Variants in CNGA3 observed in about 807,000 individuals in gnomAD.
CNGA3 encodes the protein cyclic nucleotide-gated channel alpha-3.
A neutral mutation model predicts 46.6 loss-of-function variants in CNGA3; 42 were observed. That is an observed-to-expected ratio of 0.90 (90% CI 0.70 to 1.17). The LOEUF is 1.17. CNGA3 is among the 50% of genes most tolerant of loss of function. The pLI, the probability that CNGA3 is intolerant of heterozygous loss-of-function variation, is 0.00. For missense variants in CNGA3, 893 were observed against 890.7 expected, an observed-to-expected ratio of 1.00 and a Z score of -0.03; for synonymous variants, 394 against 369.4, an observed-to-expected ratio of 1.07 and a Z score of -0.76.
chr2:98,392,347 G>A (rs1357916330), intron 7 of CNGA3, among the ~76,000 whole-genome samples: 4 of 152,156 alleles, frequency 2.6e-5, no homozygotes, highest in Non-Finnish European at 5.9e-5. Flanking sequence ...ATTACTGGAG[G>A]TCAGGAGTTC....
intron 1 of CNGA3, among the ~76,000 whole-genome samples, chr2:98,361,004 TTATTTTATTTTATTTTATTTA>T (rs1692019339): frequency 1.8e-5 from 2 of 113,212 alleles, no homozygotes; most frequent in Non-Finnish European, 4.4e-5. Flanking sequence ...TATTTTTATT[TTATTTTATTTTATTTTATTTA>T]TTTTATTTTA....
At chr2:98,364,374 T>A (rs1486376380) in intron 1 of CNGA3, among the ~76,000 whole-genome samples, 1 of 148,610 alleles carries the variant, frequency 6.7e-6, no homozygotes, top group Non-Finnish European at 1.5e-5. Context: ...CAAGACTCCA[T>A]CTCAAAAATA....
chr2:98,363,983 G>A, intron 1 of CNGA3, among the ~76,000 whole-genome samples: 1 of 152,148 alleles, frequency 6.6e-6, no homozygotes, highest in South Asian at 2.1e-4. Context: ...CTCCTTTATT[G>A]GGTGCATATA....
At chr2:98,361,845 C>A (rs1406522280) in intron 1 of CNGA3, among the ~76,000 whole-genome samples, 3 of 151,272 alleles carry the variant, frequency 2.0e-5, no homozygotes, top group African/African-American at 4.9e-5. Context: ...GTAGCTGGGA[C>A]TACAGGCGCC....
intron 1 of CNGA3, among the ~76,000 whole-genome samples, chr2:98,357,094 T>A (rs1691899371): frequency 6.6e-6 from 1 of 152,224 alleles, no homozygotes; most frequent in African/African-American, 2.4e-5. Context: ...CTACTAAATG[T>A]ATGTGCCGGG....
In CNGA3 at chr2:98,380,223, G is replaced by A; in HGVS notation, c.264G>A (p.Val88=). ...FLLRRWAARH[V]HHQDQGPDSF... Reference sequence around the variant, plus strand: ...TGCGCAGGTGGGCTGCCAGGCATGTGCACCACCAGGACCAGGGACCGGACT... The same window carrying A: ...TGCGCAGGTGGGCTGCCAGGCATGTACACCACCAGGACCAGGGACCGGACT... Residue 88 remains valine (V), a synonymous_variant, in exon 4 of 8, where the codon GTG becomes GTA. Transcript: ENST00000272602. 1.2e-6 allele frequency: 2 copies of A among 1,614,218 alleles called. No individual in the cohort carries two copies. Among genetic ancestry groups the A allele is most frequent in the Middle Eastern group, 3.3e-4 (2 of 6,060 alleles).
At chr2:98,351,296 C>T (rs1315460601) in intron 1 of CNGA3, among the ~76,000 whole-genome samples, 1 of 152,194 alleles carries the variant, frequency 6.6e-6, no homozygotes, top group Non-Finnish European at 1.5e-5. Context: ...ACCCAAATCT[C>T]ATCTTGAATT....
intron 1 of CNGA3, among the ~76,000 whole-genome samples, chr2:98,358,669 G>T (rs1691947541): frequency 6.6e-6 from 1 of 152,068 alleles, no homozygotes; most frequent in African/African-American, 2.4e-5. Context: ...CAATCAACAA[G>T]ATTGGTTCCT....
intron 5 of CNGA3, among the ~76,000 whole-genome samples, chr2:98,385,109 G>A (rs1692622600): frequency 6.6e-6 from 1 of 152,182 alleles, no homozygotes. Context: ...TGCAGCCGAT[G>A]GTGCTGGGTC....
At chr2:98,363,540 T>A (rs1692081204) in intron 1 of CNGA3, among the ~76,000 whole-genome samples, 1 of 152,210 alleles carries the variant, frequency 6.6e-6, no homozygotes, top group Non-Finnish European at 1.5e-5. Context: ...TGGGCCAAGA[T>A]GATGGGGTTT....
intron 7 of CNGA3, 133 bp downstream of exon 7, chr2:98,392,103 G>A: frequency 1.3e-6 from 1 of 772,314 alleles, no homozygotes; most frequent in Non-Finnish European, 2.2e-6. Flanking sequence ...CTCCGACAGT[G>A]AGGGTAGGTG....
At chr2:98,392,862 C>T (rs1692825657) in intron 7 of CNGA3, among the ~76,000 whole-genome samples, 1 of 152,198 alleles carries the variant, frequency 6.6e-6, no homozygotes, top group African/African-American at 2.4e-5. Flanking sequence ...GATACTCACC[C>T]CTTCACATTT....
intron 1 of CNGA3, among the ~76,000 whole-genome samples, chr2:98,354,928 G>A (rs961575860): frequency 5.3e-5 from 8 of 152,142 alleles, no homozygotes. Flanking sequence ...ACCATTCACC[G>A]TGCTGTTAAC....
At chr2:98,373,923 A>T (rs1261572422) in intron 2 of CNGA3, among the ~76,000 whole-genome samples, 1 of 152,180 alleles carries the variant, frequency 6.6e-6, no homozygotes, top group Admixed American at 6.5e-5. Context: ...CCACCAAAGA[A>T]AACCATTTTC....
intron 2 of CNGA3, among the ~76,000 whole-genome samples, chr2:98,372,276 A>G (rs1692304808): frequency 6.6e-6 from 1 of 152,220 alleles, no homozygotes; most frequent in African/African-American, 2.4e-5. Flanking sequence ...AAGGCCTCTT[A>G]GAAGATGACC....
intron 5 of CNGA3, among the ~76,000 whole-genome samples, chr2:98,384,776 G>C (rs892250366): frequency 9.2e-5 from 14 of 152,174 alleles, no homozygotes; most frequent in African/African-American, 3.4e-4. Flanking sequence ...CCTGGGGCTG[G>C]GGTGTGGGCA....
chr2:98,376,289 A>T (rs1226699563), intron 2 of CNGA3, among the ~76,000 whole-genome samples: 1 of 152,144 alleles, frequency 6.6e-6, no homozygotes, highest in Non-Finnish European at 1.5e-5. Context: ...GACCCCAGGA[A>T]CTTGCTCACA....
intron 5 of CNGA3, among the ~76,000 whole-genome samples, chr2:98,388,234 T>C (rs1348367185): frequency 6.6e-6 from 1 of 152,238 alleles, no homozygotes; most frequent in South Asian, 2.1e-4. Context: ...CCTTGATATA[T>C]GAAGTCTGCT....
intron 7 of CNGA3, among the ~76,000 whole-genome samples, chr2:98,394,718 AT>A (rs1435188223): frequency 6.6e-6 from 1 of 152,134 alleles, no homozygotes; most frequent in East Asian, 1.9e-4. Flanking sequence ...GCACTTTAGC[AT>A]TTTGAATAGA....
Sources: gnomAD v4.1 joint callset for allele counts (sites outside exome capture counted in the v4.1 genomes callset) on GRCh38, gnomAD v4.1.1 for gene constraint, MANE v1.5 for transcripts, NCBI Gene and HGNC (gene_info 2026-07-23, HGNC 2026-07-21) for gene names.